Variants in SBF2 observed in about 807,000 individuals in gnomAD.
SBF2 encodes myotubularin-related protein 13.
SBF2 carries 112 observed loss-of-function variants against 225.2 expected under a neutral mutation model. The ratio of observed to expected loss-of-function variants is 0.50; its 90% CI spans 0.43 to 0.58. The LOEUF (loss-of-function observed/expected upper bound fraction) is 0.58. SBF2 is among the 20% of genes least tolerant of loss of function. The pLI is 0.00. For synonymous variants in SBF2, 763 were observed against 773.3 expected (o/e 0.99, Z 0.22); for missense variants, 1,996 against 2,206.2 (o/e 0.90, Z 1.91).
intron 16 of SBF2, among the ~76,000 whole-genome samples, chr11:9,945,805 T>C (rs1865528203): frequency 1.3e-5 from 2 of 152,122 alleles, no homozygotes; most frequent in African/African-American, 2.4e-5. Context: ...AGAAGACATA[T>C]ACATGGCCAA....
intron 13 of SBF2, among the ~76,000 whole-genome samples, chr11:9,982,801 G>A (rs781686165): frequency 4.6e-5 from 7 of 152,208 alleles, no homozygotes; most frequent in East Asian, 1.9e-4. Context: ...CTCCTCTCCC[G>A]AACACACACC....
intron 1 of SBF2, among the ~76,000 whole-genome samples, chr11:10,204,657 CAAA>C (rs75767484): frequency 2.2e-5 from 3 of 136,940 alleles, no homozygotes; most frequent in African/African-American, 2.8e-5. Flanking sequence ...CACTCCATCT[CAAA>C]AAAAAAAAAA....
intron 1 of SBF2, among the ~76,000 whole-genome samples, chr11:10,238,656 T>C (rs1463012165): frequency 6.6e-6 from 1 of 150,376 alleles, no homozygotes; most frequent in East Asian, 1.9e-4. Flanking sequence ...TTCACACCTG[T>C]AATCCCAGCA....
At chr11:10,148,974 G>C (rs1955027833) in intron 2 of SBF2, among the ~76,000 whole-genome samples, 1 of 152,150 alleles carries the variant, frequency 6.6e-6, no homozygotes, top group Non-Finnish European at 1.5e-5. Context: ...TTGGTGTTGA[G>C]AAGTATGCCA....
intron 16 of SBF2, among the ~76,000 whole-genome samples, chr11:9,915,077 A>G (rs1425802058): frequency 2.0e-5 from 3 of 152,226 alleles, no homozygotes; most frequent in Non-Finnish European, 4.4e-5. Flanking sequence ...TGAACTTGTG[A>G]AGATGGAGAT....
chr11:9,917,857 T>C (rs1863238751), intron 16 of SBF2, among the ~76,000 whole-genome samples: 1 of 151,462 alleles, frequency 6.6e-6, no homozygotes, highest in African/African-American at 2.4e-5. Flanking sequence ...AAACTTGATA[T>C]ATCCTGAACT....
At chr11:9,902,205 G>A (rs1430064603) in intron 16 of SBF2, among the ~76,000 whole-genome samples, 2 of 152,134 alleles carry the variant, frequency 1.3e-5, no homozygotes, top group Non-Finnish European at 2.9e-5. Flanking sequence ...AAAGAGACAT[G>A]TACCATCTAT....
intron 20 of SBF2, among the ~76,000 whole-genome samples, chr11:9,853,118 G>A (rs1197151404): frequency 1.3e-5 from 2 of 152,120 alleles, no homozygotes; most frequent in African/African-American, 2.4e-5. Flanking sequence ...TATGAACCTT[G>A]AAAACATTAT....
chr11:10,115,872 ATT>A (rs929219254), intron 2 of SBF2, among the ~76,000 whole-genome samples: 14 of 152,332 alleles, frequency 9.2e-5, no homozygotes, highest in African/African-American at 3.4e-4. Context: ...CATATAAAAT[ATT>A]TGTTTATCTG....
chr11:10,286,717 C>CA (rs1963818310), intron 1 of SBF2, among the ~76,000 whole-genome samples: 1 of 151,718 alleles, frequency 6.6e-6, no homozygotes, highest in East Asian at 1.9e-4. Flanking sequence ...GAGAAGTTAA[C>CA]AAAAAATGGC....
intron 36 of SBF2, among the ~76,000 whole-genome samples, chr11:9,786,497 G>A (rs1852383207): frequency 6.6e-6 from 1 of 152,154 alleles, no homozygotes; most frequent in Admixed American, 6.5e-5. Flanking sequence ...TTGAGGGTAA[G>A]AGATAGAGCC....
At chr11:10,146,860 A>AGT (rs1954911043) in intron 2 of SBF2, among the ~76,000 whole-genome samples, 1 of 152,162 alleles carries the variant, frequency 6.6e-6, no homozygotes, top group African/African-American at 2.4e-5. Flanking sequence ...TAAGGAACTT[A>AGT]AATTTGCAAG....
At chr11:10,075,055 T>A (rs1951039801) in intron 2 of SBF2, among the ~76,000 whole-genome samples, 1 of 152,180 alleles carries the variant, frequency 6.6e-6, no homozygotes. Context: ...CTTCACAAAT[T>A]AAACCAGAAG....
intron 1 of SBF2, among the ~76,000 whole-genome samples, chr11:10,223,853 A>C (rs1161653155): frequency 1.3e-5 from 2 of 152,120 alleles, no homozygotes; most frequent in Non-Finnish European, 2.9e-5. Context: ...AGGTATTTTA[A>C]GCAGATACTC....
chr11:9,930,772 G>A (rs1269259376), intron 16 of SBF2, among the ~76,000 whole-genome samples: 1 of 152,230 alleles, frequency 6.6e-6, no homozygotes. Flanking sequence ...AGCCCACGGA[G>A]GGTGAGCCGA....
At chr11:10,063,215 T>C (rs993264451) in intron 2 of SBF2, among the ~76,000 whole-genome samples, 15 of 151,816 alleles carry the variant, frequency 9.9e-5, no homozygotes, top group Middle Eastern at 3.2e-3. Flanking sequence ...AGATAACTAT[T>C]GGGTACTTGG....
chr11:10,125,815 C>T (rs1255945967), intron 2 of SBF2, among the ~76,000 whole-genome samples: 1 of 152,190 alleles, frequency 6.6e-6, no homozygotes, highest in Non-Finnish European at 1.5e-5. Flanking sequence ...GTGATAATTT[C>T]TCAGTCTTTT....
chr11:10,002,027 TA>T (rs753456357), intron 7 of SBF2, among the ~76,000 whole-genome samples: 4 of 151,658 alleles, frequency 2.6e-5, no homozygotes, highest in Admixed American at 6.6e-5. Flanking sequence ...ACATATCCCA[TA>T]AAAAAAACAG....
At chr11:9,787,775 A>G in intron 35 of SBF2, 37 bp from the exon 36 acceptor site, 1 of 1,578,068 alleles carries the variant, frequency 6.3e-7, no homozygotes, top group Non-Finnish European at 8.7e-7. Flanking sequence ...TCAGTATTTC[A>G]TAGAAATCAG....
Sources: allele counts gnomAD v4.1 joint callset (sites outside exome capture counted in the v4.1 genomes callset), GRCh38; gene constraint gnomAD v4.1.1; transcripts MANE v1.5; gene names NCBI Gene and HGNC (gene_info 2026-07-23, HGNC 2026-07-21).